The following PRUNE2 variants were observed in gnomAD, a reference collection of about 807,000 sequenced individuals.
PRUNE2 encodes prune homolog 2 with BCH domain.
A neutral mutation model predicts 252.0 loss-of-function variants in PRUNE2; 164 were observed. The ratio of observed to expected loss-of-function variants is 0.65; its 90% CI spans 0.57 to 0.74. The LOEUF (loss-of-function observed/expected upper bound fraction) is 0.74, where lower values mean the gene tolerates loss of function less well. Among genes scored for constraint, PRUNE2 ranks in the 30% least tolerant of loss-of-function variants. The pLI is 0.00. For synonymous variants in PRUNE2, 1,292 were observed against 1,350.2 expected (o/e 0.96, Z 0.94); for missense variants, 3,495 against 3,711.0 (o/e 0.94, Z 1.51).
intron 6 of PRUNE2, among the ~76,000 whole-genome samples, chr9:76,800,007 C>T (rs754651212): frequency 6.6e-6 from 1 of 152,072 alleles, no homozygotes; most frequent in Non-Finnish European, 1.5e-5. Flanking sequence ...GCAGCAGTGG[C>T]CAAGAGACCA....
At chr9:76,650,327 AAATAT>A (rs1229982716) in intron 11 of PRUNE2, among the ~76,000 whole-genome samples, 3 of 151,260 alleles carry the variant, frequency 2.0e-5, no homozygotes, top group African/African-American at 7.3e-5. Context: ...TATACACGAA[AAATAT>A]AATATAAATG....
chr9:76,696,044 C>T (rs995866174), intron 9 of PRUNE2, among the ~76,000 whole-genome samples: 14 of 152,152 alleles, frequency 9.2e-5, no homozygotes, highest in African/African-American at 3.4e-4. Flanking sequence ...TATGTAACTG[C>T]ATCCCTGGCC....
At position 76,710,148 on chromosome 9, in the gene PRUNE2, T is replaced by A; in HGVS notation, c.2126A>T (p.Glu709Val). 1 of 1,613,914 alleles carries A rather than the reference T, an allele frequency of 6.2e-7. No individual in the cohort carries two copies. Among genetic ancestry groups the A allele is most frequent in the African/African-American group, 1.3e-5 (1 of 75,042 alleles). ...SDSVFQPKSLEFTKSGPWESE... is the reference protein window; with the variant it reads ...SDSVFQPKSLVFTKSGPWESE... ...CTCCCAGGGACCTGACTTTGTAAAT[T>A]CGAGGCTCTTTGGTTGAAATACAGA... Residue 709 changes from glutamate (E) to valine (V), a missense_variant, in exon 8 of 19, where the codon GAA becomes GTA. Transcript: ENST00000376718.
At chr9:76,867,813 C>T (rs1299939407) in intron 1 of PRUNE2, among the ~76,000 whole-genome samples, 6 of 152,080 alleles carry the variant, frequency 3.9e-5, no homozygotes, top group South Asian at 2.1e-4. Context: ...CCTTGTGATC[C>T]GCCCACCTCG....
At chr9:76,818,156 C>T (rs2057809059) in intron 6 of PRUNE2, among the ~76,000 whole-genome samples, 2 of 152,088 alleles carry the variant, frequency 1.3e-5, no homozygotes, top group Admixed American at 6.5e-5. Flanking sequence ...CCCCAAGAAA[C>T]GCTATGCACT....
At chr9:76,743,021 C>T (rs2049784156) in intron 6 of PRUNE2, among the ~76,000 whole-genome samples, 1 of 152,164 alleles carries the variant, frequency 6.6e-6, no homozygotes, top group African/African-American at 2.4e-5. Context: ...CCATGCTGTT[C>T]TTGTGATAGT....
chr9:76,898,814 C>T (rs1366623347), intron 1 of PRUNE2, among the ~76,000 whole-genome samples: 2 of 152,172 alleles, frequency 1.3e-5, no homozygotes, highest in African/African-American at 2.4e-5. Context: ...TTTTCCTAGA[C>T]ATCATCAGTT....
At chr9:76,874,248 T>A (rs1415466995) in intron 1 of PRUNE2, among the ~76,000 whole-genome samples, 1 of 152,216 alleles carries the variant, frequency 6.6e-6, no homozygotes, top group Non-Finnish European at 1.5e-5. Flanking sequence ...AGCAAATTTT[T>A]AATGAGGCTA....
chr9:76,858,314 C>T (rs945204871), intron 1 of PRUNE2, among the ~76,000 whole-genome samples: 3 of 152,060 alleles, frequency 2.0e-5, no homozygotes, highest in Non-Finnish European at 2.9e-5. Flanking sequence ...AATCATAAAA[C>T]GGGGATGGGA....
In PRUNE2 at chr9:76,771,749, G is replaced by A. The variant is rs185032091; in HGVS notation, c.756+51883C>T. Reference sequence around the variant, plus strand: ...GACTGAAGAGCAGAGCCAAGAATCTGCTACTGCTTTCTGTTTTTATTTCCA... The same window carrying A: ...GACTGAAGAGCAGAGCCAAGAATCTACTACTGCTTTCTGTTTTTATTTCCA... On this transcript the variant is annotated intron_variant, in intron 6 of 18. Transcript: ENST00000376718. Among the ~76,000 whole-genome samples the A allele has an allele frequency of 2.0e-4, 30 of 152,290 alleles. No individual in the cohort carries two copies. In the East Asian group the frequency reaches 5.6e-3, roughly 28 times the overall value.
At chr9:76,622,258 T>C (rs1832699753) in intron 17 of PRUNE2, among the ~76,000 whole-genome samples, 1 of 152,144 alleles carries the variant, frequency 6.6e-6, no homozygotes, top group Non-Finnish European at 1.5e-5. Flanking sequence ...CTGAGCCATT[T>C]AGACACATTG....
chr9:76,616,964 A>G (rs1322316379), intron 18 of PRUNE2, among the ~76,000 whole-genome samples: 1 of 151,690 alleles, frequency 6.6e-6, no homozygotes, highest in Admixed American at 6.6e-5. Context: ...TTAAAAATAA[A>G]TAAATAAATA....
At chr9:76,878,269 C>T (rs1589729358) in intron 1 of PRUNE2, among the ~76,000 whole-genome samples, 1 of 152,296 alleles carries the variant, frequency 6.6e-6, no homozygotes, top group East Asian at 1.9e-4. Flanking sequence ...GTGGAAGAGT[C>T]CACTCTTAAA....
intron 3 of PRUNE2, among the ~76,000 whole-genome samples, chr9:76,847,995 G>A (rs549981021): frequency 1.3e-4 from 20 of 152,340 alleles, no homozygotes; most frequent in Non-Finnish European, 2.2e-4. Context: ...TGGGCATGGT[G>A]GCTCACGCCT....
At chr9:76,815,451 C>T (rs1327355368) in intron 6 of PRUNE2, among the ~76,000 whole-genome samples, 3 of 152,200 alleles carry the variant, frequency 2.0e-5, no homozygotes, top group Non-Finnish European at 4.4e-5. Flanking sequence ...ATGGCACCTT[C>T]TCACCGCATA....
At chr9:76,730,377 T>C (rs1334168631) in intron 6 of PRUNE2, among the ~76,000 whole-genome samples, 1 of 152,210 alleles carries the variant, frequency 6.6e-6, no homozygotes, top group Non-Finnish European at 1.5e-5. Flanking sequence ...TATAATCTTG[T>C]GATTTTGAGT....
At chr9:76,675,671 T>C (rs2042403086) in intron 9 of PRUNE2, among the ~76,000 whole-genome samples, 2 of 117,616 alleles carry the variant, frequency 1.7e-5, no homozygotes, top group African/African-American at 6.0e-5. Flanking sequence ...AACCCAAATG[T>C]CCAACAATGA....
chr9:76,689,180 G>A (rs1467076204), intron 9 of PRUNE2, among the ~76,000 whole-genome samples: 1 of 152,104 alleles, frequency 6.6e-6, no homozygotes, highest in Non-Finnish European at 1.5e-5. Flanking sequence ...GCATTTCTTA[G>A]GGATAGCATC....
At chr9:76,719,221 T>C (rs2047415208) in intron 6 of PRUNE2, among the ~76,000 whole-genome samples, 1 of 152,152 alleles carries the variant, frequency 6.6e-6, no homozygotes, top group South Asian at 2.1e-4. Flanking sequence ...CCCAATGCAA[T>C]TATTATTATT....
Sources: gnomAD v4.1 joint callset for allele counts (sites outside exome capture counted in the v4.1 genomes callset) on GRCh38, gnomAD v4.1.1 for gene constraint, MANE v1.5 for transcripts, NCBI Gene and HGNC (gene_info 2026-07-23, HGNC 2026-07-21) for gene names.